THSD7A: variants seen among roughly 807,000 people sequenced by gnomAD.
THSD7A encodes the protein thrombospondin type 1 domain containing 7A, also known as thrombospondin type-1 domain-containing protein 7A.
THSD7A carries 96 observed loss-of-function variants against 231.3 expected under a neutral mutation model. The observed-to-expected ratio is 0.41, with a 90% confidence interval of 0.35 to 0.49. The LOEUF is 0.49. Ranked by LOEUF, THSD7A falls within the 20% of genes least tolerant of loss-of-function variation. The probability of loss-of-function intolerance (pLI) is 0.05; values close to 1 mark genes in which losing one functional copy is unlikely to be tolerated. For synonymous variants in THSD7A, 940 were observed against 743.3 expected (o/e 1.26, Z -4.30); for missense variants, 2,290 against 2,070.2 (o/e 1.11, Z -2.06).
chr7:11,669,775 T>C (rs1203065848), intron 1 of THSD7A, among the ~76,000 whole-genome samples: 1 of 152,130 alleles, frequency 6.6e-6, no homozygotes, highest in African/African-American at 2.4e-5. Flanking sequence ...TTCTTATCAA[T>C]ATAATTCCAC....
intron 13 of THSD7A, among the ~76,000 whole-genome samples, chr7:11,441,836 G>T (rs2096395788): frequency 6.6e-6 from 1 of 151,784 alleles, no homozygotes. Context: ...GTCGGCAGGG[G>T]TCGGGGGCTA....
chr7:11,433,821 G>A (rs1784551408), intron 13 of THSD7A, among the ~76,000 whole-genome samples: 1 of 151,940 alleles, frequency 6.6e-6, no homozygotes, highest in African/African-American at 2.4e-5. Flanking sequence ...ACTGATTCAC[G>A]TTGTGTTATT....
At chr7:11,809,419 T>C (rs954859873) in intron 1 of THSD7A, among the ~76,000 whole-genome samples, 3 of 152,188 alleles carry the variant, frequency 2.0e-5, no homozygotes. Flanking sequence ...GTCTGTTGCT[T>C]ATCTATCAGG....
chr7:11,413,462 C>A (rs1451588817), intron 17 of THSD7A, among the ~76,000 whole-genome samples: 2 of 152,038 alleles, frequency 1.3e-5, no homozygotes, highest in African/African-American at 4.8e-5. Context: ...ACCTGATCAA[C>A]CAATTGTCTT....
chr7:11,509,880 A>C (rs1008823604), intron 6 of THSD7A, among the ~76,000 whole-genome samples: 22 of 151,332 alleles, frequency 1.5e-4, no homozygotes, highest in African/African-American at 5.1e-4. Context: ...CATATTAAGA[A>C]TCTGAACATT....
intron 1 of THSD7A, among the ~76,000 whole-genome samples, chr7:11,756,974 C>T (rs1246523929): frequency 6.6e-6 from 1 of 151,838 alleles, no homozygotes; most frequent in East Asian, 1.9e-4. Flanking sequence ...AGATTTTATT[C>T]ATCTCTGGTG....
chr7:11,741,679 G>T (rs1782120056), intron 1 of THSD7A, among the ~76,000 whole-genome samples: 1 of 151,780 alleles, frequency 6.6e-6, no homozygotes, highest in Non-Finnish European at 1.5e-5. Flanking sequence ...AAATTATAAG[G>T]TTAAAACTTT....
chr7:11,441,367 C>T (rs899381839), intron 13 of THSD7A, among the ~76,000 whole-genome samples: 1 of 151,984 alleles, frequency 6.6e-6, no homozygotes, highest in Non-Finnish European at 1.5e-5. Flanking sequence ...ACCATTCTAT[C>T]CTTTCCATTT....
intron 6 of THSD7A, among the ~76,000 whole-genome samples, chr7:11,529,363 G>T (rs1486293865): frequency 3.3e-5 from 5 of 152,124 alleles, no homozygotes; most frequent in African/African-American, 1.2e-4. Flanking sequence ...AGTGTGTTAT[G>T]AAAATAAATG....
At chr7:11,719,548 T>C (rs1162757877) in intron 1 of THSD7A, among the ~76,000 whole-genome samples, 3 of 151,670 alleles carry the variant, frequency 2.0e-5, no homozygotes, top group Non-Finnish European at 4.4e-5. Context: ...TCTAAGGTAC[T>C]TCCATGTCCA....
intron 4 of THSD7A, among the ~76,000 whole-genome samples, chr7:11,583,496 G>A (rs1365036479): frequency 6.6e-6 from 1 of 151,926 alleles, no homozygotes; most frequent in East Asian, 1.9e-4. Context: ...GTCTGGTCTC[G>A]AACTCCCAGA....
intron 6 of THSD7A, among the ~76,000 whole-genome samples, chr7:11,487,875 C>T (rs546432097): frequency 9.4e-4 from 143 of 152,258 alleles, no homozygotes; most frequent in African/African-American, 3.0e-3. Context: ...GGTGGGGACA[C>T]AGCAAAACTA....
At chr7:11,734,437 A>G (rs1781838948) in intron 1 of THSD7A, among the ~76,000 whole-genome samples, 1 of 152,000 alleles carries the variant, frequency 6.6e-6, no homozygotes, top group African/African-American at 2.4e-5. Context: ...TACACTCCAG[A>G]AAAATAAGAA....
chr7:11,595,134 T>C (rs1780313292), intron 2 of THSD7A, among the ~76,000 whole-genome samples: 1 of 152,108 alleles, frequency 6.6e-6, no homozygotes, highest in Non-Finnish European at 1.5e-5. Flanking sequence ...CCTGAGGCAG[T>C]TGCCAGGCAA....
chr7:11,639,978 AAAAT>A (rs1390695693), intron 1 of THSD7A, among the ~76,000 whole-genome samples: 1 of 152,188 alleles, frequency 6.6e-6, no homozygotes, highest in African/African-American at 2.4e-5. Flanking sequence ...AGTTCATTCT[AAAAT>A]AAAAGTAGAA....
At chr7:11,743,916 G>A (rs1583248199) in intron 1 of THSD7A, among the ~76,000 whole-genome samples, 1 of 151,868 alleles carries the variant, frequency 6.6e-6, no homozygotes, top group South Asian at 2.1e-4. Flanking sequence ...TGGGCTTTGC[G>A]CATATTGCTA....
intron 3 of THSD7A, 135 bp downstream of exon 3, chr7:11,593,119 T>C: frequency 1.6e-6 from 2 of 1,269,410 alleles, no homozygotes; most frequent in East Asian, 2.5e-5. Context: ...AAAAAAAGTT[T>C]TTTTTAAGGA....
intron 16 of THSD7A, among the ~76,000 whole-genome samples, chr7:11,421,870 T>C (rs1784156089): frequency 6.6e-6 from 1 of 152,240 alleles, no homozygotes; most frequent in Non-Finnish European, 1.5e-5. Context: ...GCATTTATAC[T>C]TACAGGCTTT....
intron 1 of THSD7A, among the ~76,000 whole-genome samples, chr7:11,706,630 C>CTTTTTTTTTTTTTTTTTTTTTTTTTTTTT (rs66964252): frequency 3.0e-5 from 2 of 66,392 alleles, no homozygotes; most frequent in Non-Finnish European, 5.4e-5. Context: ...TAACAAGGTG[C>CTTTTTTTTTTTTTTTTTTTTTTTTTTTTT]TTTTTTTTTT....
Sources: gnomAD v4.1 joint callset for allele counts (sites outside exome capture counted in the v4.1 genomes callset) on GRCh38, gnomAD v4.1.1 for gene constraint, MANE v1.5 for transcripts, NCBI Gene and HGNC (gene_info 2026-07-23, HGNC 2026-07-21) for gene names.